IMMP2L: variants seen among roughly 807,000 people sequenced by gnomAD.
IMMP2L encodes the protein mitochondrial inner membrane protease subunit 2.
IMMP2L carries 18 observed loss-of-function variants against 19.3 expected under a neutral mutation model. The observed-to-expected ratio is 0.93, with a 90% confidence interval of 0.64 to 1.38. The LOEUF is 1.38. IMMP2L is among the 40% of genes most tolerant of loss of function. The probability of loss-of-function intolerance (pLI) is 0.00; values close to 1 mark genes in which losing one functional copy is unlikely to be tolerated. For synonymous variants in IMMP2L, 76 were observed against 73.0 expected, an observed-to-expected ratio of 1.04 and a Z score of -0.21; for missense variants, 233 against 218.2, an observed-to-expected ratio of 1.07 and a Z score of -0.43.
rs542176412 is a variant in IMMP2L at position 110,830,896 on chromosome 7, T to G, written c.408+55697A>C. Reference sequence around the variant, plus strand: ...TATATGTACAATCACCACAGACGTATAGCAGCTTAGAGCAAACACAGGCTT... The same window carrying G: ...TATATGTACAATCACCACAGACGTAGAGCAGCTTAGAGCAAACACAGGCTT... On this transcript the variant is annotated intron_variant, in intron 5 of 5. Transcript: ENST00000405709. Among the ~76,000 whole-genome samples the G allele has an allele frequency of 2.0e-5, 3 of 152,306 alleles. 1 individual carries two copies. Among genetic ancestry groups the G allele is most frequent in the African/African-American group, 7.2e-5 (3 of 41,572 alleles).
chr7:111,469,936 C>G (rs181007835), intron 3 of IMMP2L, among the ~76,000 whole-genome samples: 1 of 152,044 alleles, frequency 6.6e-6, no homozygotes, highest in Admixed American at 6.6e-5. Context: ...AGTCAACAGG[C>G]AACCTACAAA....
intron 5 of IMMP2L, among the ~76,000 whole-genome samples, chr7:110,671,751 C>G (rs571835865): frequency 6.6e-6 from 1 of 152,078 alleles, no homozygotes. Context: ...GTTTCACCCT[C>G]TCTTGAGGGA....
chr7:110,677,030 T>A (rs1792353089), intron 5 of IMMP2L, among the ~76,000 whole-genome samples: 1 of 152,196 alleles, frequency 6.6e-6, no homozygotes, highest in Non-Finnish European at 1.5e-5. Flanking sequence ...ACAGAGACAC[T>A]GCTTTCCTGA....
intron 5 of IMMP2L, among the ~76,000 whole-genome samples, chr7:110,700,345 C>A (rs1794190108): frequency 8.1e-6 from 1 of 123,072 alleles, no homozygotes; most frequent in Non-Finnish European, 1.9e-5. Context: ...GAAGTTTCAG[C>A]TTTGGTCATT....
chr7:110,992,300 T>C (rs1281956337), intron 3 of IMMP2L, among the ~76,000 whole-genome samples: 5 of 152,010 alleles, frequency 3.3e-5, no homozygotes, highest in Non-Finnish European at 5.9e-5. Flanking sequence ...TTTCCTATGG[T>C]TTCAGTAACT....
At chr7:111,373,624 T>C (rs1045832585) in intron 3 of IMMP2L, among the ~76,000 whole-genome samples, 15 of 152,032 alleles carry the variant, frequency 9.9e-5, no homozygotes, top group South Asian at 2.1e-4. Context: ...TAAGTTCCCA[T>C]TGGAGAAAAA....
At chr7:110,681,573 A>C (rs1473959976) in intron 5 of IMMP2L, among the ~76,000 whole-genome samples, 3 of 152,196 alleles carry the variant, frequency 2.0e-5, no homozygotes, top group Non-Finnish European at 4.4e-5. Flanking sequence ...ATCAATGTGC[A>C]TAAAAGGCCC....
intron 3 of IMMP2L, among the ~76,000 whole-genome samples, chr7:111,367,813 A>G (rs918837780): frequency 6.6e-6 from 1 of 151,926 alleles, no homozygotes; most frequent in Non-Finnish European, 1.5e-5. Flanking sequence ...CTGATCTCAA[A>G]TAGTTCTTAC....
At chr7:111,501,579 T>A (rs1356689247) in intron 2 of IMMP2L, among the ~76,000 whole-genome samples, 2 of 152,030 alleles carry the variant, frequency 1.3e-5, no homozygotes, top group African/African-American at 4.8e-5. Context: ...GAGAGAAAGG[T>A]CGGGTTACCC....
At chr7:111,361,029 G>C (rs1375915789) in intron 3 of IMMP2L, among the ~76,000 whole-genome samples, 1 of 151,920 alleles carries the variant, frequency 6.6e-6, no homozygotes, top group Non-Finnish European at 1.5e-5. Flanking sequence ...CCACAGAACA[G>C]AAGCTCTTTA....
At chr7:111,448,154 C>A (rs1838717585) in intron 3 of IMMP2L, among the ~76,000 whole-genome samples, 1 of 132,438 alleles carries the variant, frequency 7.6e-6, no homozygotes, top group African/African-American at 3.5e-5. Flanking sequence ...ATGAACGAGA[C>A]AGAAAGTCAA....
rs577289394 is a variant in IMMP2L, at chr7:110,828,356, G to A, written c.408+58237C>T. ...CTCCTTCCCCTGCACAGTAGTAAGA[G>A]CGTTAGGTCTGGAATCATCAGAATT... On this transcript the variant is annotated intron_variant, in intron 5 of 5. Transcript: ENST00000405709. Among the ~76,000 whole-genome samples the A allele has an allele frequency of 2.6e-5, 4 of 152,278 alleles. No individual in the cohort carries two copies. The East Asian group carries it at 7.7e-4, about 29-fold the overall frequency.
At chr7:111,038,252 A>C (rs575708317) in intron 3 of IMMP2L, among the ~76,000 whole-genome samples, 2 of 152,304 alleles carry the variant, frequency 1.3e-5, no homozygotes, top group South Asian at 4.1e-4. Context: ...TCTAAATGCA[A>C]TTATTCACAA....
chr7:110,702,051 T>A (rs1216757955), intron 5 of IMMP2L, among the ~76,000 whole-genome samples: 1 of 151,898 alleles, frequency 6.6e-6, no homozygotes, highest in Non-Finnish European at 1.5e-5. Context: ...TACCTCAGCC[T>A]CCCTAGCTGG....
At chr7:111,508,073 T>C (rs1440503974) in intron 2 of IMMP2L, among the ~76,000 whole-genome samples, 2 of 152,132 alleles carry the variant, frequency 1.3e-5, no homozygotes, top group African/African-American at 4.8e-5. Flanking sequence ...TCTACACATA[T>C]CTCATACTAA....
chr7:110,835,851 G>T (rs1168652983), intron 5 of IMMP2L, among the ~76,000 whole-genome samples: 1 of 151,934 alleles, frequency 6.6e-6, no homozygotes, highest in Admixed American at 6.6e-5. Flanking sequence ...TTCTTCACAT[G>T]CCTCACATTT....
intron 3 of IMMP2L, among the ~76,000 whole-genome samples, chr7:111,331,950 T>C (rs1825919771): frequency 2.0e-5 from 3 of 151,822 alleles, no homozygotes; most frequent in African/African-American, 7.2e-5. Context: ...AAACTAATAG[T>C]ATACATATAT....
chr7:110,761,245 C>T (rs541920076), intron 5 of IMMP2L, among the ~76,000 whole-genome samples: 9 of 152,220 alleles, frequency 5.9e-5, no homozygotes, highest in Admixed American at 4.6e-4. Flanking sequence ...GACTTCTTGA[C>T]GATGGGGATG....
intron 3 of IMMP2L, among the ~76,000 whole-genome samples, chr7:111,468,493 A>T (rs533989069): frequency 2.6e-5 from 4 of 152,158 alleles, no homozygotes; most frequent in Non-Finnish European, 5.9e-5. Context: ...TCATCATTTG[A>T]AATATTTTTA....
Sources: gnomAD v4.1 joint callset for allele counts (sites outside exome capture counted in the v4.1 genomes callset) on GRCh38, gnomAD v4.1.1 for gene constraint, MANE v1.5 for transcripts, NCBI Gene and HGNC (gene_info 2026-07-23, HGNC 2026-07-21) for gene names.